Variants in ACER3 observed in about 807,000 individuals in gnomAD.
The protein encoded by ACER3 is alkCDase 3.
In ACER3, 16 loss-of-function variants were observed where a neutral mutation model predicts 48.9. The ratio of observed to expected loss-of-function variants is 0.33; its 90% CI spans 0.22 to 0.50. The LOEUF is 0.50. ACER3 is among the 20% of genes least tolerant of loss of function. The probability of loss-of-function intolerance (pLI) is 0.98; values close to 1 mark genes in which losing one functional copy is unlikely to be tolerated. For synonymous variants in ACER3, 109 were observed against 107.8 expected, an observed-to-expected ratio of 1.01 and a Z score of -0.07; for missense variants, 227 against 326.0, an observed-to-expected ratio of 0.70 and a Z score of 2.34.
rs931248733 is a variant in ACER3 at position 76,882,079 on chromosome 11, A to G, written c.103+21000A>G. Among the ~76,000 whole-genome samples, 12 of 142,158 alleles carry G rather than the reference A, an allele frequency of 8.4e-5. No individual in the cohort carries two copies. In the East Asian group the frequency reaches 1.8e-3, roughly 22 times the overall value. The allele number at this position is 142,158 out of a possible 152,430, so 93.3% of individuals were successfully genotyped here. A position where few individuals can be genotyped will look rare whatever the true frequency, so the allele number is the denominator to read the frequency against. On this transcript the variant is annotated intron_variant, in intron 1 of 10. Coordinates refer to ENST00000532485, the MANE Select transcript of ACER3 (RefSeq NM_018367.7). ...GAGTGCAGTGGCGCGATCTTGGCTC[A>G]CTGCAAGCTCCACCTCCCGAGTTCA... is the stretch of plus-strand genomic sequence containing the variant.
intron 7 of ACER3, among the ~76,000 whole-genome samples, chr11:77,000,735 T>A (rs1949016392): frequency 6.6e-6 from 1 of 152,222 alleles, no homozygotes; most frequent in Non-Finnish European, 1.5e-5. Context: ...TGTGTGGGTC[T>A]GTTTTAGGGA....
intron 1 of ACER3, among the ~76,000 whole-genome samples, chr11:76,925,795 G>C (rs1041159690): frequency 6.6e-6 from 1 of 152,014 alleles, no homozygotes. Flanking sequence ...TACCCTCTCA[G>C]TGAATTGATT....
chr11:77,015,476 C>T lies in ACER3; in HGVS notation c.599+359C>T, dbSNP rs184561674. 2.0e-5 allele frequency among the ~76,000 whole-genome samples: 3 copies of T among 152,236 alleles called. No homozygotes were observed. In the East Asian group the frequency reaches 5.8e-4, roughly 29 times the overall value. On this transcript the variant is annotated intron_variant, in intron 8 of 10. Transcript: ENST00000532485. ...TATGAAATATATGTATATAAATATA[C>T]ACTTTCATATGCTTAATGTTATTTT... is the stretch of plus-strand genomic sequence containing the variant.
At chr11:76,882,544 T>C (rs2134582165) in intron 1 of ACER3, among the ~76,000 whole-genome samples, 1 of 152,322 alleles carries the variant, frequency 6.6e-6, no homozygotes, top group Non-Finnish European at 1.5e-5. Context: ...TTTATCTTAA[T>C]TCCTTGAGGC....
At chr11:76,873,785 T>A (rs1314244536) in intron 1 of ACER3, among the ~76,000 whole-genome samples, 1 of 152,136 alleles carries the variant, frequency 6.6e-6, no homozygotes, top group Non-Finnish European at 1.5e-5. Context: ...TTGTGGTGTG[T>A]GTATGTGTAA....
intron 1 of ACER3, among the ~76,000 whole-genome samples, chr11:76,923,810 C>T (rs1168473548): frequency 6.6e-6 from 1 of 152,128 alleles, no homozygotes; most frequent in Non-Finnish European, 1.5e-5. Context: ...TGGGAGTAGG[C>T]ACTGTTTCTG....
chr11:76,991,141 T>C (rs1399424828), intron 6 of ACER3, among the ~76,000 whole-genome samples: 2 of 152,196 alleles, frequency 1.3e-5, no homozygotes, highest in Non-Finnish European at 2.9e-5. Flanking sequence ...CCAACAGTCC[T>C]ACTAATTGGG....
Position 76,912,413 on chromosome 11 carries a change from G to A in ACER3, c.104-14144G>A, listed in dbSNP as rs138763736. 9.7e-4 allele frequency among the ~76,000 whole-genome samples: 148 copies of A among 152,150 alleles called. 1 individual carries two copies. In the East Asian group the frequency reaches 0.024, roughly 24 times the overall value. On this transcript the variant is annotated intron_variant, in intron 1 of 10. Coordinates refer to ENST00000532485, the MANE Select transcript of ACER3 (RefSeq NM_018367.7). ...TACCCAGTTTGTGGTAATTTGTTACGGCAGCCCTAGGAAATTAATACAGAT... is the reference window on the plus strand; with the variant it reads ...TACCCAGTTTGTGGTAATTTGTTACAGCAGCCCTAGGAAATTAATACAGAT...
chr11:76,862,989 G>GC (rs1944981952), intron 1 of ACER3, among the ~76,000 whole-genome samples: 1 of 152,236 alleles, frequency 6.6e-6, no homozygotes, highest in African/African-American at 2.4e-5. Context: ...ACTTTGGGAG[G>GC]CCAAGGCAGG....
At chr11:76,929,481 A>G (rs1324441114) in intron 2 of ACER3, among the ~76,000 whole-genome samples, 8 of 152,330 alleles carry the variant, frequency 5.3e-5, no homozygotes, top group Non-Finnish European at 8.8e-5. Context: ...TGCCCTGGCC[A>G]GAACTTCCAA....
intron 6 of ACER3, among the ~76,000 whole-genome samples, chr11:76,994,803 A>T (rs7925652): frequency 6.6e-5 from 10 of 152,118 alleles, no homozygotes; most frequent in African/African-American, 2.4e-4. Flanking sequence ...GGCCCTAGCT[A>T]TAGGAGATGG....
chr11:76,956,318 A>G lies in ACER3; in HGVS notation c.215-2661A>G, dbSNP rs554223709. Among the ~76,000 whole-genome samples the G allele has an allele frequency of 2.3e-4, 35 of 152,328 alleles. No individual in the cohort carries two copies. In the East Asian group the frequency reaches 6.2e-3, roughly 27 times the overall value. On this transcript the variant is annotated intron_variant, in intron 2 of 10. Coordinates refer to ENST00000532485, the MANE Select transcript of ACER3 (RefSeq NM_018367.7). ...GTTTTTGGACTCTAAATGTCTAGAA[A>G]TGTCAGTTGCAGGAGAGCACTTTTT... is the stretch of plus-strand genomic sequence containing the variant.
chr11:76,929,674 A>C (rs1394397151), intron 2 of ACER3, among the ~76,000 whole-genome samples: 1 of 152,220 alleles, frequency 6.6e-6, no homozygotes, highest in East Asian at 1.9e-4. Flanking sequence ...AGTTTTTAGC[A>C]CGAAGGGCTG....
chr11:76,895,891 A>C (rs971538291), intron 1 of ACER3, among the ~76,000 whole-genome samples: 2 of 152,206 alleles, frequency 1.3e-5, no homozygotes, highest in Admixed American at 6.5e-5. Flanking sequence ...TTATAATAGA[A>C]TACTATATAG....
At chr11:76,996,782 G>A (rs1948921782) in intron 6 of ACER3, among the ~76,000 whole-genome samples, 1 of 147,298 alleles carries the variant, frequency 6.8e-6, no homozygotes, top group South Asian at 2.2e-4. Flanking sequence ...CTAGAGTGCA[G>A]TGGTGCAATC....
chr11:76,938,269 CCTGTCAAAATGCT>C lies in ACER3; in HGVS notation c.214+11603_214+11615del, dbSNP rs561865452. On this transcript the variant is annotated intron_variant, in intron 2 of 10. Transcript: ENST00000532485. The stretch of plus-strand genomic sequence containing the variant: ...GGCTCAAGCGATTCGCTCACGTTGG[CCTGTCAAAATGCT>C]GAGATTACAGGCTTGACCCATTGCA... Among the ~76,000 whole-genome samples, 47 of 152,232 alleles carry C rather than the reference CCTGTCAAAATGCT, an allele frequency of 3.1e-4. No individual in the cohort carries two copies. In the East Asian group the frequency reaches 4.6e-3, roughly 15 times the overall value.
intron 2 of ACER3, among the ~76,000 whole-genome samples, chr11:76,931,952 GC>G (rs1339292365): frequency 1.9e-5 from 2 of 106,334 alleles, no homozygotes; most frequent in African/African-American, 4.2e-5. Flanking sequence ...TTTTGGAGTT[GC>G]TTTTTTTTTT....
At chr11:76,933,167 G>A (rs1273265040) in intron 2 of ACER3, among the ~76,000 whole-genome samples, 9 of 55,260 alleles carry the variant, frequency 1.6e-4, no homozygotes, top group East Asian at 6.2e-4. Flanking sequence ...AAATATATAC[G>A]TATTTCATAT....
Position 77,019,859 on chromosome 11 carries a change from G to C in ACER3, c.750+83G>C. ...GATGGAGGTGGAAGAAGAAAGGGGA[G>C]TTTGGAGAGGTAGTGGAGCAAACAC... is the stretch of plus-strand genomic sequence containing the variant. On this transcript the variant is annotated intron_variant, in intron 10 of 10. Coordinates refer to ENST00000532485, the MANE Select transcript of ACER3 (RefSeq NM_018367.7). 2.1e-6 allele frequency: 3 copies of C among 1,414,100 alleles called. No homozygotes were observed. In the South Asian group the frequency reaches 3.5e-5, roughly 17 times the overall value. 87.6% of individuals were successfully genotyped at this position (1,414,100 alleles called of 1,614,324 possible). A position where few individuals can be genotyped will look rare whatever the true frequency, so the allele number is the denominator to read the frequency against.
Sources: allele counts gnomAD v4.1 joint callset (sites outside exome capture counted in the v4.1 genomes callset), GRCh38; gene constraint gnomAD v4.1.1; transcripts MANE v1.5; gene names NCBI Gene and HGNC (gene_info 2026-07-23, HGNC 2026-07-21).